PALLD: variants seen among roughly 807,000 people sequenced by gnomAD.
PALLD encodes palladin.
In PALLD, 61 loss-of-function variants were observed where a neutral mutation model predicts 123.5. The observed-to-expected ratio is 0.49, with a 90% CI of 0.40 to 0.61. The LOEUF (loss-of-function observed/expected upper bound fraction) is 0.61, where lower values mean the gene tolerates loss of function less well. Ranked by LOEUF, PALLD falls within the 20% of genes least tolerant of loss-of-function variation. The pLI is 0.00. For synonymous variants in PALLD, 465 were observed against 496.4 expected, an observed-to-expected ratio of 0.94 and a Z score of 0.84; for missense variants, 1,273 against 1,377.0, an observed-to-expected ratio of 0.92 and a Z score of 1.20.
chr4:168,515,059 T>A (rs1762865970), intron 2 of PALLD, among the ~76,000 whole-genome samples: 1 of 152,242 alleles, frequency 6.6e-6, no homozygotes, highest in African/African-American at 2.4e-5. Flanking sequence ...TGTTCCATTG[T>A]TGAAAGTTAG....
intron 13 of PALLD, chr4:168,898,270 C>G: frequency 1.7e-6 from 1 of 575,334 alleles, no homozygotes; most frequent in Non-Finnish European, 3.1e-6. Context: ...TTTCCTACCC[C>G]CCTCTTTTTG....
Position 168,890,816 on chromosome 4 carries a change from G to A in PALLD, c.1965-106G>A. 2.7e-6 allele frequency: 3 copies of A among 1,105,904 alleles called. No homozygotes were observed. The South Asian group carries it at 3.7e-5, about 14-fold the overall frequency. The allele number at this position is 1,105,904 out of a possible 1,614,324, so 68.5% of individuals were successfully genotyped here. ...AACAGATGTAGCATAAAAAATAGTG[G>A]GAGTGACATGCTGATACCTTGCACT... On this transcript the variant is annotated intron_variant, in intron 10 of 21. Coordinates refer to ENST00000505667, the MANE Select transcript of PALLD (RefSeq NM_001166108.2).
At chr4:168,617,896 C>A (rs1050291689) in intron 2 of PALLD, among the ~76,000 whole-genome samples, 4 of 152,066 alleles carry the variant, frequency 2.6e-5, no homozygotes, top group African/African-American at 9.7e-5. Context: ...ACCAGCTACC[C>A]CAGAACCTGA....
chr4:168,834,809 A>T (rs1744887786), intron 10 of PALLD, among the ~76,000 whole-genome samples: 1 of 152,196 alleles, frequency 6.6e-6, no homozygotes, highest in African/African-American at 2.4e-5. Context: ...TATTGTCTTA[A>T]GCCTTTAAAA....
intron 2 of PALLD, among the ~76,000 whole-genome samples, chr4:168,603,493 T>C (rs1289798438): frequency 1.3e-5 from 2 of 152,230 alleles, no homozygotes; most frequent in African/African-American, 2.4e-5. Flanking sequence ...TTTATTACCA[T>C]TTAATAACTT....
chr4:168,611,932 G>T (rs972435249), intron 2 of PALLD, among the ~76,000 whole-genome samples: 3 of 152,118 alleles, frequency 2.0e-5, no homozygotes, highest in African/African-American at 4.8e-5. Context: ...GGCTGAGGTG[G>T]GTGGATTGCT....
At chr4:168,600,760 G>C (rs933743520) in intron 2 of PALLD, among the ~76,000 whole-genome samples, 1 of 152,156 alleles carries the variant, frequency 6.6e-6, no homozygotes, top group Non-Finnish European at 1.5e-5. Context: ...TGATTAAAGA[G>C]AGGATGCAAA....
intron 17 of PALLD, among the ~76,000 whole-genome samples, chr4:168,920,041 A>G (rs1405247551): frequency 6.6e-6 from 1 of 152,180 alleles, no homozygotes; most frequent in Admixed American, 6.5e-5. Context: ...TGGCTTATCT[A>G]GGATCTAACC....
Position 168,540,582 on chromosome 4 carries a change from G to T in PALLD, c.908+28170G>T, listed in dbSNP as rs143859436. On this transcript the variant is annotated intron_variant, in intron 2 of 21. Coordinates refer to ENST00000505667, the MANE Select transcript of PALLD (RefSeq NM_001166108.2). Reference sequence around the variant, plus strand: ...TTATTTTAAATGAGTTTCAGTTTGCGCATTTTTTTAAAAAAAGAGCAAAAA... The same window carrying T: ...TTATTTTAAATGAGTTTCAGTTTGCTCATTTTTTTAAAAAAAGAGCAAAAA... Among the ~76,000 whole-genome samples, 4 of 152,034 alleles carry T rather than the reference G, an allele frequency of 2.6e-5. No individual in the cohort carries two copies. In the South Asian group the frequency reaches 6.2e-4, roughly 24 times the overall value.
intron 2 of PALLD, among the ~76,000 whole-genome samples, chr4:168,518,780 G>T (rs1299938955): frequency 2.6e-5 from 4 of 152,116 alleles, no homozygotes; most frequent in African/African-American, 9.7e-5. Context: ...TTTTGTAGTT[G>T]TCTTTCTTCC....
At chr4:168,546,852 T>C (rs991896034) in intron 2 of PALLD, among the ~76,000 whole-genome samples, 6 of 152,196 alleles carry the variant, frequency 3.9e-5, no homozygotes, top group Non-Finnish European at 5.9e-5. Flanking sequence ...TAAAGCAGCC[T>C]AGGTTTACAT....
chr4:168,848,745 C>G (rs1747283442), intron 10 of PALLD, among the ~76,000 whole-genome samples: 1 of 152,142 alleles, frequency 6.6e-6, no homozygotes, highest in Admixed American at 6.5e-5. Context: ...AAATAATGAT[C>G]CTAAATCAGT....
chr4:168,599,017 A>G (rs1350788314), intron 2 of PALLD, among the ~76,000 whole-genome samples: 1 of 152,166 alleles, frequency 6.6e-6, no homozygotes, highest in Non-Finnish European at 1.5e-5. Flanking sequence ...TTATATTGAA[A>G]CTTTCTAAAA....
intron 10 of PALLD, among the ~76,000 whole-genome samples, chr4:168,778,130 T>TTCCTC (rs1284164543): frequency 2.0e-5 from 3 of 152,222 alleles, no homozygotes; most frequent in Non-Finnish European, 4.4e-5. Context: ...CAGCTTTTCC[T>TTCCTC]TCCTCTTTTC....
At chr4:168,819,047 G>A (rs1426556914) in intron 10 of PALLD, among the ~76,000 whole-genome samples, 1 of 152,092 alleles carries the variant, frequency 6.6e-6, no homozygotes, top group Non-Finnish European at 1.5e-5. Context: ...AAGCTTACAG[G>A]CAAGAGGCAG....
chr4:168,686,218 T>G (rs5021495), intron 6 of PALLD, among the ~76,000 whole-genome samples: 20,248 of 151,816 alleles, frequency 0.13, 2,745 homozygotes, highest in African/African-American at 0.36. Context: ...GTTTGGTTTG[T>G]TTTTTTTACT....
At chr4:168,818,434 C>CA (rs1742270212) in intron 10 of PALLD, among the ~76,000 whole-genome samples, 1 of 151,978 alleles carries the variant, frequency 6.6e-6, no homozygotes, top group Non-Finnish European at 1.5e-5. Context: ...TCCATCTCTA[C>CA]AAAAAAATAT....
chr4:168,822,995 T>C (rs527779913), intron 10 of PALLD, among the ~76,000 whole-genome samples: 2 of 152,254 alleles, frequency 1.3e-5, no homozygotes, highest in South Asian at 4.2e-4. Flanking sequence ...ATTATGACTT[T>C]CATGGGCCTT....
intron 2 of PALLD, among the ~76,000 whole-genome samples, chr4:168,609,607 G>T (rs575761019): frequency 6.6e-6 from 1 of 152,158 alleles, no homozygotes; most frequent in Non-Finnish European, 1.5e-5. Context: ...AGTGGCCTAG[G>T]GGCAGAGCAC....
Sources: allele counts gnomAD v4.1 joint callset (sites outside exome capture counted in the v4.1 genomes callset), GRCh38; gene constraint gnomAD v4.1.1; transcripts MANE v1.5; gene names NCBI Gene and HGNC (gene_info 2026-07-23, HGNC 2026-07-21).